TMLHE: variants seen among roughly 807,000 people sequenced by gnomAD.
TMLHE encodes trimethyllysine hydroxylase, epsilon, also known as trimethyllysine dioxygenase, mitochondrial.
A neutral mutation model predicts 25.7 loss-of-function variants in TMLHE; 18 were observed. The observed-to-expected ratio is 0.70, with a 90% confidence interval of 0.48 to 1.04. The LOEUF (loss-of-function observed/expected upper bound fraction) is 1.04, where lower values mean the gene tolerates loss of function less well. Ranked by LOEUF, TMLHE falls within the 50% of genes least tolerant of loss-of-function variation. The pLI is 0.00. For missense variants in TMLHE, 236 were observed against 259.0 expected, an observed-to-expected ratio of 0.91 and a Z score of 0.61; for synonymous variants, 105 against 97.0, an observed-to-expected ratio of 1.08 and a Z score of -0.49.
intron 1 of TMLHE, among the ~76,000 whole-genome samples, chrX:155,551,298 G>C (rs1468441417): frequency 9.2e-6 from 1 of 108,904 alleles, no homozygotes; most frequent in Non-Finnish European, 1.9e-5. Context: ...GCCATTTGGT[G>C]TGTCGCACCC....
At chrX:155,545,338 G>T in intron 1 of TMLHE, 61 bp from the exon 2 acceptor site, 1 of 860,136 alleles carries the variant, frequency 1.2e-6, no homozygotes, top group Non-Finnish European at 1.6e-6. Flanking sequence ...GAGGCTATAG[G>T]AATAACACTA....
chrX:155,560,624 G>GACTCCTCCTTT (rs2067491050), intron 1 of TMLHE, among the ~76,000 whole-genome samples: 1 of 54,993 alleles, frequency 1.8e-5, no homozygotes, highest in African/African-American at 3.9e-5. Flanking sequence ...TAGGCAGAGG[G>GACTCCTCCTTT]GATAGCCAAT....
chrX:155,551,720 T>C (rs2067416902), intron 1 of TMLHE, among the ~76,000 whole-genome samples: 1 of 110,318 alleles, frequency 9.1e-6, no homozygotes, highest in Non-Finnish European at 1.9e-5. Context: ...ATATTTACAA[T>C]AACAGTTTTA....
intron 1 of TMLHE, among the ~76,000 whole-genome samples, chrX:155,548,722 G>C (rs1486108531): frequency 9.7e-6 from 1 of 103,190 alleles, no homozygotes; most frequent in Non-Finnish European, 1.9e-5. Flanking sequence ...GCGACAGAGT[G>C]AGACTCTGTC....
intron 1 of TMLHE, among the ~76,000 whole-genome samples, chrX:155,578,751 C>A (rs1421188672): frequency 9.0e-6 from 1 of 110,891 alleles, no homozygotes; most frequent in Non-Finnish European, 1.9e-5. Flanking sequence ...AACACCAGAG[C>A]CAGAATACAT....
At chrX:155,574,110 A>G (rs1021785010) in intron 1 of TMLHE, among the ~76,000 whole-genome samples, 3 of 108,462 alleles carry the variant, frequency 2.8e-5, no homozygotes, top group African/African-American at 1.1e-4. Flanking sequence ...CCAATATGAC[A>G]GCTAGCCTAA....
chrX:155,548,823 C>T (rs1307668602), intron 1 of TMLHE, among the ~76,000 whole-genome samples: 1 of 110,139 alleles, frequency 9.1e-6, no homozygotes, highest in African/African-American at 3.4e-5. Flanking sequence ...AGAGAAAACA[C>T]ATATGGTCAA....
chrX:155,548,451 A>G (rs1232446810), intron 1 of TMLHE, among the ~76,000 whole-genome samples: 1 of 110,791 alleles, frequency 9.0e-6, no homozygotes, highest in Non-Finnish European at 1.9e-5. Flanking sequence ...AAGACATCCT[A>G]CAGGCTGGGC....
In TMLHE at chrX:155,524,508, T is replaced by C; in HGVS notation, c.306A>G (p.Leu102=). Residue 102 remains leucine, a synonymous_variant, in exon 3 of 8, where the codon TTA becomes TTG. Coordinates refer to ENST00000334398, the MANE Select transcript of TMLHE (RefSeq NM_018196.4). ...GACGAATGGTCTTTGGCTTGATACATAAATCCACACTGGCAGTATCCAGGC... is the reference window on the plus strand; with the variant it reads ...GACGAATGGTCTTTGGCTTGATACACAAATCCACACTGGCAGTATCCAGGC... The part of the protein sequence containing the change: ...QRSLDTASVD[L]CIKPKTIRLD... The C allele has an allele frequency of 1.7e-6, 2 of 1,208,343 alleles. No homozygotes were observed. The highest frequency in any genetic ancestry group is 1.7e-5 in the African/African-American group (1 of 57,779).
intron 2 of TMLHE, among the ~76,000 whole-genome samples, chrX:155,539,512 T>A (rs1407613406): frequency 9.0e-6 from 1 of 110,760 alleles, no homozygotes; most frequent in African/African-American, 3.3e-5. Flanking sequence ...GATTAGGAGG[T>A]CTCTGGATTC....
intron 4 of TMLHE, among the ~76,000 whole-genome samples, chrX:155,512,318 TTCCCCCCA>T (rs2067120937): frequency 2.5e-5 from 1 of 40,451 alleles, no homozygotes; most frequent in South Asian, 1.4e-3. Context: ...CCCTCCCCCC[TTCCCCCCA>T]CCCCACAACA....
At chrX:155,512,436 G>A (rs1367652727) in intron 4 of TMLHE, among the ~76,000 whole-genome samples, 3 of 106,172 alleles carry the variant, frequency 2.8e-5, no homozygotes, top group Admixed American at 1.1e-4. Context: ...TTTTGTCCTT[G>A]CGATAGTTTA....
chrX:155,609,479 C>T (rs2067806673), intron 1 of TMLHE, among the ~76,000 whole-genome samples: 1 of 111,596 alleles, frequency 9.0e-6, no homozygotes, highest in African/African-American at 3.3e-5. Context: ...GTACGCCACA[C>T]CCCTGTGACA....
Position 155,571,270 on chromosome X carries a change from C to G in TMLHE, c.-1-25993G>C, listed in dbSNP as rs1447208329. ...ACATTCCTTGACACATACACCCTCC[C>G]AAAACTAAACCAGGAAGAAGTTGAA... On this transcript the variant is annotated intron_variant, in intron 1 of 7. Transcript: ENST00000334398. Among the ~76,000 whole-genome samples, 71 of 56,532 alleles carry G rather than the reference C, an allele frequency of 1.3e-3. 17 individuals are homozygous for G. Among genetic ancestry groups the G allele is most frequent in the Non-Finnish European group, 2.7e-3 (58 of 21,826 alleles). The allele number at this position is 56,532 out of a possible 115,157, so 49.1% of individuals were successfully genotyped here.
At chrX:155,535,998 A>G (rs1236300594) in intron 2 of TMLHE, among the ~76,000 whole-genome samples, 3 of 111,808 alleles carry the variant, frequency 2.7e-5, no homozygotes, top group Non-Finnish European at 5.6e-5. Context: ...TAACTGAAAC[A>G]TTCTTCTTCA....
intron 5 of TMLHE, among the ~76,000 whole-genome samples, chrX:155,508,900 G>T (rs782731111): frequency 1.8e-5 from 2 of 110,630 alleles, no homozygotes; most frequent in South Asian, 7.5e-4. Context: ...TGAAGTGGAA[G>T]AAAAAAACAT....
chrX:155,601,458 A>C (rs1158762641), intron 1 of TMLHE, among the ~76,000 whole-genome samples: 2 of 111,852 alleles, frequency 1.8e-5, no homozygotes, highest in African/African-American at 6.5e-5. Context: ...GTGTTGCTGA[A>C]ATTAAATTAT....
At chrX:155,553,693 A>G (rs1379723970) in intron 1 of TMLHE, among the ~76,000 whole-genome samples, 1 of 110,155 alleles carries the variant, frequency 9.1e-6, no homozygotes, top group Non-Finnish European at 1.9e-5. Flanking sequence ...CTACTATATC[A>G]CTATTTACTT....
intron 1 of TMLHE, among the ~76,000 whole-genome samples, chrX:155,577,329 C>A (rs78541456): frequency 9.0e-5 from 10 of 111,569 alleles, no homozygotes. Context: ...GTAATCCTAG[C>A]ACTTTTGGGA....
Sources: gnomAD v4.1 joint callset for allele counts (sites outside exome capture counted in the v4.1 genomes callset) on GRCh38, gnomAD v4.1.1 for gene constraint, MANE v1.5 for transcripts, NCBI Gene and HGNC (gene_info 2026-07-23, HGNC 2026-07-21) for gene names.